The following PTPN3 variants were observed in gnomAD, a reference collection of about 807,000 sequenced individuals.
PTPN3 encodes tyrosine-protein phosphatase non-receptor type 3.
A neutral mutation model predicts 132.7 loss-of-function variants in PTPN3; 96 were observed. The observed-to-expected ratio is 0.72, with a 90% CI of 0.61 to 0.86. PTPN3 has a LOEUF of 0.86. PTPN3 is among the 40% of genes least tolerant of loss of function. PTPN3 has a pLI of 0.00. For synonymous variants in PTPN3, 398 were observed against 429.0 expected, an observed-to-expected ratio of 0.93 and a Z score of 0.89; for missense variants, 1,125 against 1,159.6, an observed-to-expected ratio of 0.97 and a Z score of 0.43.
At chr9:109,445,522 C>A (rs1420205100) in intron 6 of PTPN3, among the ~76,000 whole-genome samples, 2 of 152,090 alleles carry the variant, frequency 1.3e-5, no homozygotes, top group African/African-American at 4.8e-5. Context: ...ATATCCATCA[C>A]AAATACCATG....
chr9:109,444,674 T>TA (rs751181258), intron 7 of PTPN3, among the ~76,000 whole-genome samples: 44 of 152,204 alleles, frequency 2.9e-4, no homozygotes, highest in Non-Finnish European at 5.9e-4. Flanking sequence ...CTAGAAAACT[T>TA]AAGTTACATA....
At chr9:109,383,275 TG>T in intron 23 of PTPN3, 147 bp downstream of exon 23, 1 of 1,401,258 alleles carries the variant, frequency 7.1e-7, no homozygotes, top group Non-Finnish European at 9.9e-7. Flanking sequence ...CTCTGGGCCC[TG>T]GCTCTTTGAT....
the PTPN3 span, chr9:109,533,580 G>C: frequency 1.3e-6 from 2 of 1,591,752 alleles, no homozygotes; most frequent in East Asian, 4.5e-5. Context: ...TGTCTTTGGC[G>C]AGGAGGGCCC....
intron 16 of PTPN3, among the ~76,000 whole-genome samples, chr9:109,409,620 G>A (rs184309213): frequency 2.0e-5 from 3 of 152,114 alleles, no homozygotes; most frequent in East Asian, 1.9e-4. Flanking sequence ...AGGTGTTTGA[G>A]ACCAGCTTGG....
chr9:109,418,315 G>A (rs1029136823), intron 14 of PTPN3, among the ~76,000 whole-genome samples: 4 of 152,208 alleles, frequency 2.6e-5, no homozygotes, highest in African/African-American at 9.6e-5. Context: ...GGGAATGAAT[G>A]CAAGCCCTCT....
chr9:109,408,119 T>A (rs1401221092), intron 17 of PTPN3, among the ~76,000 whole-genome samples: 1 of 152,194 alleles, frequency 6.6e-6, no homozygotes, highest in Non-Finnish European at 1.5e-5. Flanking sequence ...AGATGCTGCA[T>A]TTCTAATGAG....
the PTPN3 span, among the ~76,000 whole-genome samples, chr9:109,530,229 A>G: frequency 6.6e-6 from 1 of 152,140 alleles, no homozygotes. Context: ...CCATTAAACA[A>G]CATTTCCTCA....
In PTPN3 at chr9:109,376,926, G is replaced by T. The variant is rs1195385721; in HGVS notation, c.*2630C>A. On this transcript the variant is annotated 3_prime_UTR_variant, in exon 26 of 26. Transcript: ENST00000374541. ...GTCTGAACTGCTGGCCTGCCCAGTG[G>T]CAGAAGACTGCTTGCAACCTTTGGT... The T allele has an allele frequency of 6.6e-6, 1 of 152,192 alleles. No homozygotes were observed. Among genetic ancestry groups the T allele is most frequent in the Non-Finnish European group, 1.5e-5 (1 of 68,042 alleles). 9.4% of individuals were successfully genotyped at this position (152,192 alleles called of 1,614,324 possible).
At chr9:109,420,971 G>T (rs1842859392) in intron 13 of PTPN3, among the ~76,000 whole-genome samples, 1 of 152,184 alleles carries the variant, frequency 6.6e-6, no homozygotes, top group East Asian at 1.9e-4. Flanking sequence ...TAATTTTTCT[G>T]ATTAATTTGA....
At chr9:109,409,248 G>C (rs112443415) in intron 16 of PTPN3, among the ~76,000 whole-genome samples, 2 of 152,168 alleles carry the variant, frequency 1.3e-5, no homozygotes, top group Admixed American at 6.5e-5. Flanking sequence ...CTGGAGGAGA[G>C]TGGTGGCCCT....
At chr9:109,450,506 A>C in intron 5 of PTPN3, 4 of 984,938 alleles carry the variant, frequency 4.1e-6, no homozygotes, top group Non-Finnish European at 4.8e-6. Flanking sequence ...CCACTCACCA[A>C]ATGCTGCCTT....
rs1244693796 is a variant in PTPN3 at position 109,379,222 on chromosome 9, T to C, written c.*334A>G. 7.9e-6 allele frequency: 2 copies of C among 254,242 alleles called. No homozygotes were observed. Among genetic ancestry groups the C allele is most frequent in the Non-Finnish European group, 1.5e-5 (2 of 133,186 alleles). 15.7% of individuals were successfully genotyped at this position (254,242 alleles called of 1,614,324 possible). A position where few individuals can be genotyped will look rare whatever the true frequency, so the allele number is the denominator to read the frequency against. On this transcript the variant is annotated 3_prime_UTR_variant, in exon 26 of 26. Coordinates refer to ENST00000374541, the MANE Select transcript of PTPN3 (RefSeq NM_002829.4). ...ATCTTGTTGCTGGGAGGACAACAGCTCTGTGGGTGTCCGGTCTCAATTGCT... is the reference window on the plus strand; with the variant it reads ...ATCTTGTTGCTGGGAGGACAACAGCCCTGTGGGTGTCCGGTCTCAATTGCT...
At chr9:109,396,443 G>A (rs1302968718) in intron 19 of PTPN3, among the ~76,000 whole-genome samples, 1 of 152,152 alleles carries the variant, frequency 6.6e-6, no homozygotes, top group African/African-American at 2.4e-5. Flanking sequence ...CTGGGCTGAA[G>A]GAGTGTGAGG....
At position 109,454,506 on chromosome 9, in the gene PTPN3, C is replaced by T; in HGVS notation, c.358G>A (p.Glu120Lys). 1 of 1,612,872 alleles carries T rather than the reference C, an allele frequency of 6.2e-7. No homozygotes were observed. Among genetic ancestry groups the T allele is most frequent in the Non-Finnish European group, 8.5e-7 (1 of 1,179,600 alleles). Residue 120 changes from glutamate to lysine, a missense_variant, in exon 5 of 26, where the codon GAA becomes AAA. Physicochemically the swap from Glu to Lys is moderately conservative, Grantham distance 56. Coordinates refer to ENST00000374541, the MANE Select transcript of PTPN3 (RefSeq NM_002829.4). ...AAAAAATGTTGTTACCTGGTTTGTT[C>T]TTGCTGCAGTGTGTTGGGATCAGGT... Reference protein sequence around the residue: ...FIPDPNTLQQEQTRHLYFLQL... With the variant: ...FIPDPNTLQQKQTRHLYFLQL...
intron 7 of PTPN3, among the ~76,000 whole-genome samples, chr9:109,443,144 T>C (rs2131963772): frequency 6.6e-6 from 1 of 151,362 alleles, no homozygotes; most frequent in East Asian, 1.9e-4. Context: ...GGCATGATTA[T>C]GGCTCACTGC....
At chr9:109,419,983 C>A (rs1361313452) in intron 14 of PTPN3, among the ~76,000 whole-genome samples, 1 of 152,188 alleles carries the variant, frequency 6.6e-6, no homozygotes, top group Non-Finnish European at 1.5e-5. Context: ...CCCCTCAGAA[C>A]CCTGTTGTTC....
the PTPN3 span, chr9:109,533,825 C>T: frequency 8.0e-6 from 7 of 880,312 alleles, no homozygotes; most frequent in Middle Eastern, 3.3e-4. Flanking sequence ...CTCGTTCTTT[C>T]CCCCACTCTC....
At chr9:109,460,119 C>T (rs781640586) in intron 2 of PTPN3, among the ~76,000 whole-genome samples, 36 of 152,280 alleles carry the variant, frequency 2.4e-4, no homozygotes, top group Admixed American at 9.2e-4. Flanking sequence ...ATTACTTCTA[C>T]CCTGAGACCT....
At chr9:109,391,285 C>A in intron 20 of PTPN3, 86 bp from the exon 21 acceptor site, 1 of 1,358,372 alleles carries the variant, frequency 7.4e-7, no homozygotes, top group Admixed American at 2.0e-5. Context: ...CCAGCCCCAT[C>A]TGCAGCTCTG....
Sources: allele counts gnomAD v4.1 joint callset (sites outside exome capture counted in the v4.1 genomes callset), GRCh38; gene constraint gnomAD v4.1.1; transcripts MANE v1.5; gene names NCBI Gene and HGNC (gene_info 2026-07-23, HGNC 2026-07-21).